MAN2B2: variants seen among roughly 807,000 people sequenced by gnomAD.
MAN2B2 encodes epididymis-specific alpha-mannosidase.
A neutral mutation model predicts 117.1 loss-of-function variants in MAN2B2; 106 were observed. That is an observed-to-expected ratio of 0.90 (90% CI 0.77 to 1.06). The LOEUF (loss-of-function observed/expected upper bound fraction) is 1.06. Among genes scored for constraint, MAN2B2 ranks in the 50% least tolerant of loss-of-function variants. The pLI is 0.00. For synonymous variants in MAN2B2, 544 were observed against 595.1 expected, an observed-to-expected ratio of 0.91 and a Z score of 1.25; for missense variants, 1,326 against 1,381.4, an observed-to-expected ratio of 0.96 and a Z score of 0.64.
intron 16 of MAN2B2, among the ~76,000 whole-genome samples, chr4:6,616,469 A>G (rs1251194484): frequency 1.3e-5 from 2 of 152,092 alleles, no homozygotes; most frequent in Admixed American, 6.5e-5. Context: ...TTTCTCCCCC[A>G]TGCTGTGCAT....
intron 8 of MAN2B2, among the ~76,000 whole-genome samples, chr4:6,597,605 CTCAGCTGTGTGATG>C (rs1727155929): frequency 1.3e-5 from 2 of 152,240 alleles, no homozygotes; most frequent in Admixed American, 1.3e-4. Flanking sequence ...CATATCTCGG[CTCAGCTGTGTGATG>C]TCAGGCACAT....
rs1416945695 is a variant in MAN2B2, at chr4:6,588,209, A to G, written c.565-836A>G. ...TCTGGAGGCTGGAAGTCCAGGGTCA[A>G]GGTGTCAGCAGGGCCACGCTCCCTC... On this transcript the variant is annotated intron_variant, in intron 4 of 18. Transcript: ENST00000285599. Among the ~76,000 whole-genome samples the G allele has an allele frequency of 2.6e-5, 4 of 152,304 alleles. No individual in the cohort carries two copies. In the East Asian group the frequency reaches 7.7e-4, roughly 29 times the overall value.
chr4:6,613,537 T>C (rs188744727), intron 15 of MAN2B2, among the ~76,000 whole-genome samples: 360 of 145,456 alleles, frequency 2.5e-3, no homozygotes, highest in African/African-American at 8.4e-3. Context: ...ATTGCACCAC[T>C]GCACTCTGGC....
intron 9 of MAN2B2, among the ~76,000 whole-genome samples, chr4:6,600,347 G>A (rs1340519714): frequency 6.6e-6 from 1 of 152,200 alleles, no homozygotes; most frequent in Non-Finnish European, 1.5e-5. Context: ...AGATGTGTGA[G>A]GAGCGAATAG....
At chr4:6,620,220 C>T in intron 18 of MAN2B2, 176 bp downstream of exon 18, 1 of 578,828 alleles carries the variant, frequency 1.7e-6, no homozygotes, top group South Asian at 2.0e-5. Flanking sequence ...TTAAGAAAGG[C>T]TTTGGGTTAG....
intron 17 of MAN2B2, chr4:6,619,708 C>T (rs902309688): frequency 2.0e-6 from 1 of 500,726 alleles, no homozygotes; most frequent in Non-Finnish European, 3.6e-6. Flanking sequence ...AAGCATGCAC[C>T]TCCCGCTTCA....
intron 15 of MAN2B2, among the ~76,000 whole-genome samples, 181 bp downstream of exon 15, chr4:6,611,459 G>A (rs903003028): frequency 6.6e-6 from 1 of 152,166 alleles, no homozygotes; most frequent in East Asian, 1.9e-4. Context: ...GCAAACAGTG[G>A]CTCACTTAAG....
intron 16 of MAN2B2, among the ~76,000 whole-genome samples, chr4:6,616,632 C>T (rs185701046): frequency 6.6e-6 from 1 of 152,280 alleles, no homozygotes; most frequent in East Asian, 1.9e-4. Flanking sequence ...TTGCATTGGC[C>T]ACAGAGGCCA....
Position 6,610,995 on chromosome 4 carries a change from G to C in MAN2B2, c.2370+5G>C. Reference sequence around the variant, plus strand: ...CAAGGGAATGGGCAGGTGGAGGTAGGAGGCACGGTCTGTCCTACAGCAGCC... The same window carrying C: ...CAAGGGAATGGGCAGGTGGAGGTAGCAGGCACGGTCTGTCCTACAGCAGCC... On this transcript the variant is annotated splice_donor_5th_base_variant and intron_variant, in intron 14 of 18. Transcript: ENST00000285599. The C allele has an allele frequency of 6.2e-7, 1 of 1,614,160 alleles. No individual in the cohort carries two copies. The highest frequency in any genetic ancestry group is 8.5e-7 in the Non-Finnish European group (1 of 1,180,006).
chr4:6,621,363 C>A lies in MAN2B2; in HGVS notation c.*78C>A. The A allele has an allele frequency of 8.2e-7, 1 of 1,226,030 alleles. No individual in the cohort carries two copies. Among genetic ancestry groups the A allele is most frequent in the Non-Finnish European group, 1.2e-6 (1 of 853,122 alleles). The allele number at this position is 1,226,030 out of a possible 1,614,324, so 75.9% of individuals were successfully genotyped here. A position where few individuals can be genotyped will look rare whatever the true frequency, so the allele number is the denominator to read the frequency against. ...AGAACAGACCCAGGACAGGGAAAAG[C>A]AGTGCGGAGGGATGGGACTGGGGAG... On this transcript the variant is annotated 3_prime_UTR_variant, in exon 19 of 19. Coordinates refer to ENST00000285599, the MANE Select transcript of MAN2B2 (RefSeq NM_015274.3).
chr4:6,582,669 G>T (rs1340549554), intron 3 of MAN2B2, among the ~76,000 whole-genome samples: 2 of 151,776 alleles, frequency 1.3e-5, no homozygotes, highest in East Asian at 3.9e-4. Context: ...CACTTAAATT[G>T]TCTCTCTTCA....
In MAN2B2 at chr4:6,614,224, C is replaced by T. The variant is rs756897664; in HGVS notation, c.2570C>T (p.Ala857Val). Residue 857 changes from alanine (A) to valine (V), a missense_variant, in exon 16 of 19, where the codon GCG (alanine) becomes GTG (valine). Ala to Val is a moderately conservative substitution (Grantham distance 64, BLOSUM62 0). Transcript: ENST00000285599. ...VVLFGDLAGT[A>V]PKLPGPQQQE... is the part of the protein sequence containing the mutation. The stretch of plus-strand genomic sequence containing the variant: ...CTGTCCATCTGCCTTGCAGGGACTG[C>T]GCCGAAGCTCCCAGGACCCCAGCAG... 51 of 1,613,860 alleles carry T rather than the reference C, an allele frequency of 3.2e-5. No individual in the cohort carries two copies. Among genetic ancestry groups the T allele is most frequent in the Middle Eastern group, 1.6e-4 (1 of 6,072 alleles).
At position 6,609,051 on chromosome 4, in the gene MAN2B2, G is replaced by A. The variant is rs575248989; in HGVS notation, c.1815-56G>A. ...TGGAGAGAGAGGCTTGCCAGCCGGT[G>A]TCTGTAAGACCTTGTGCAGGATGAG... On this transcript the variant is annotated intron_variant, in intron 11 of 18. Transcript: ENST00000285599. 8.6e-6 allele frequency: 13 copies of A among 1,519,004 alleles called. No individual in the cohort carries two copies. The South Asian group carries it at 1.6e-4, about 19-fold the overall frequency. 94.1% of individuals were successfully genotyped at this position (1,519,004 alleles called of 1,614,324 possible). A position where few individuals can be genotyped will look rare whatever the true frequency, so the allele number is the denominator to read the frequency against.
intron 3 of MAN2B2, among the ~76,000 whole-genome samples, chr4:6,586,106 T>C (rs1726625259): frequency 2.6e-5 from 4 of 151,766 alleles, no homozygotes; most frequent in Admixed American, 2.6e-4. Context: ...TGAAGTGCAG[T>C]GGCAGGATCA....
At position 6,600,611 on chromosome 4, in the gene MAN2B2, C is replaced by T. The variant is rs993509854; in HGVS notation, c.1406-12C>T. ...TCACATGGCACAAGCAAAGCCTCTT[C>T]TCTGTGTGCAGATGCAGGACCTGCA... On this transcript the variant is annotated splice_polypyrimidine_tract_variant and intron_variant, in intron 9 of 18. Transcript: ENST00000285599. 12 of 1,613,442 alleles carry T rather than the reference C, an allele frequency of 7.4e-6. No homozygotes were observed. Among genetic ancestry groups the T allele is most frequent in the Non-Finnish European group, 9.3e-6 (11 of 1,179,786 alleles).
rs1217535901 is a variant in MAN2B2 at position 6,575,301 on chromosome 4, G to A, written c.91G>A (p.Val31Met). 1.3e-6 allele frequency: 2 copies of A among 1,576,038 alleles called. No individual in the cohort carries two copies. Among genetic ancestry groups the A allele is most frequent in the Non-Finnish European group, 1.7e-6 (2 of 1,166,848 alleles). ...GTCCGCCGGCCCCATCCGGGCCTTC[G>A]TGGTGCCCCACAGCCACATGGACGT... ...VQSAGPIRAF[V>M]VPHSHMDVGW... Residue 31 changes from valine to methionine, a missense_variant, in exon 1 of 19, where the codon GTG becomes ATG. Transcript: ENST00000285599.
intron 8 of MAN2B2, among the ~76,000 whole-genome samples, chr4:6,597,961 G>A (rs145234372): frequency 6.6e-6 from 1 of 152,354 alleles, no homozygotes. Context: ...GGGTCCTTCA[G>A]AGCAGGGGGT....
chr4:6,579,018 CCATCACCAT>C (rs1726186374), intron 3 of MAN2B2, among the ~76,000 whole-genome samples: 6 of 79,224 alleles, frequency 7.6e-5, no homozygotes, highest in Admixed American at 2.5e-4. Context: ...ACCACCACCA[CCATCACCAT>C]CACCACTACC....
intron 8 of MAN2B2, 38 bp downstream of exon 8, chr4:6,597,341 CT>C: frequency 6.6e-7 from 1 of 1,506,282 alleles, no homozygotes; most frequent in Non-Finnish European, 8.9e-7. Flanking sequence ...GGATTGGAAC[CT>C]CCCATGCTGC....
Sources: allele counts gnomAD v4.1 joint callset (sites outside exome capture counted in the v4.1 genomes callset), GRCh38; gene constraint gnomAD v4.1.1; transcripts MANE v1.5; gene names NCBI Gene and HGNC (gene_info 2026-07-23, HGNC 2026-07-21).